Variants in EXOC4 observed in about 807,000 individuals in gnomAD.
EXOC4 encodes exocyst complex component 4, also known as SEC8-like 1.
EXOC4 carries 71 observed loss-of-function variants against 107.2 expected under a neutral mutation model. The observed-to-expected ratio is 0.66, with a 90% CI of 0.55 to 0.81. The LOEUF is 0.81. Ranked by LOEUF, EXOC4 falls within the 30% of genes least tolerant of loss-of-function variation. The probability of loss-of-function intolerance (pLI) is 0.00; values close to 1 mark genes in which losing one functional copy is unlikely to be tolerated. For synonymous variants in EXOC4, 456 were observed against 441.2 expected (o/e 1.03, Z -0.42); for missense variants, 1,108 against 1,189.6 (o/e 0.93, Z 1.01).
At position 133,584,655 on chromosome 7, in the gene EXOC4, C is replaced by T. The variant is rs180994044; in HGVS notation, c.1418-45390C>T. 2.9e-5 allele frequency among the ~76,000 whole-genome samples: 4 copies of T among 135,732 alleles called. No homozygotes were observed. In the East Asian group the frequency reaches 7.3e-4, roughly 25 times the overall value. 89.0% of individuals were successfully genotyped at this position (135,732 alleles called of 152,430 possible). The stretch of plus-strand genomic sequence containing the variant: ...GTGCAGTGGTGTGATCTTAGCTTAC[C>T]GAAGCCTCTGCCTCCCGGGTTCAAG... On this transcript the variant is annotated intron_variant, in intron 9 of 17. Coordinates refer to ENST00000253861, the MANE Select transcript of EXOC4 (RefSeq NM_021807.4).
chr7:133,609,508 T>C (rs1406644173), intron 9 of EXOC4, among the ~76,000 whole-genome samples: 1 of 152,234 alleles, frequency 6.6e-6, no homozygotes, highest in African/African-American at 2.4e-5. Flanking sequence ...AGGGAATACG[T>C]AGAAGTCAGC....
At chr7:133,858,745 TC>T (rs1798471855) in intron 11 of EXOC4, among the ~76,000 whole-genome samples, 1 of 152,150 alleles carries the variant, frequency 6.6e-6, no homozygotes, top group African/African-American at 2.4e-5. Context: ...ATCAGAGTCT[TC>T]CTGTACTTTT....
At chr7:134,063,958 CCTT>C (rs909817344) in intron 17 of EXOC4, among the ~76,000 whole-genome samples, 1 of 152,170 alleles carries the variant, frequency 6.6e-6, no homozygotes. Flanking sequence ...TGCCTTCTCT[CCTT>C]CTTCAGGCTA....
intron 9 of EXOC4, among the ~76,000 whole-genome samples, chr7:133,607,352 C>T (rs1355677787): frequency 3.3e-5 from 5 of 152,094 alleles, no homozygotes; most frequent in Admixed American, 2.0e-4. Flanking sequence ...TGCAGTTTTC[C>T]GAGGCAGATG....
At chr7:133,485,847 T>A (rs116664936) in intron 9 of EXOC4, among the ~76,000 whole-genome samples, 238 of 152,306 alleles carry the variant, frequency 1.6e-3, no homozygotes, top group African/African-American at 5.5e-3. Context: ...GGGAGTCCTG[T>A]GATTTGTCTT....
At chr7:133,697,686 G>A (rs1794566602) in intron 10 of EXOC4, among the ~76,000 whole-genome samples, 1 of 152,194 alleles carries the variant, frequency 6.6e-6, no homozygotes, top group African/African-American at 2.4e-5. Context: ...TTCCAACAAG[G>A]ACAAGTGGGG....
At chr7:133,558,216 CTTTTCTTTTCTTTTCTTT>C (rs1584997205) in intron 9 of EXOC4, among the ~76,000 whole-genome samples, 2 of 137,416 alleles carry the variant, frequency 1.5e-5, no homozygotes, top group East Asian at 4.0e-4. Context: ...CTTTTCTTTT[CTTTTCTTTTCTTTTCTTT>C]TCTTTTCTTT....
intron 6 of EXOC4, among the ~76,000 whole-genome samples, chr7:133,363,922 T>TA (rs1796189153): frequency 6.6e-6 from 1 of 152,158 alleles, no homozygotes; most frequent in South Asian, 2.1e-4. Flanking sequence ...AAGAAATTCT[T>TA]ACGTTGATGA....
chr7:133,842,837 C>G (rs1798049549), intron 11 of EXOC4, among the ~76,000 whole-genome samples: 1 of 152,096 alleles, frequency 6.6e-6, no homozygotes, highest in South Asian at 2.1e-4. Context: ...CGAAGGGGTC[C>G]AGTTTCAATC....
At chr7:133,695,202 A>G (rs971370503) in intron 10 of EXOC4, among the ~76,000 whole-genome samples, 1 of 151,410 alleles carries the variant, frequency 6.6e-6, no homozygotes, top group South Asian at 2.1e-4. Context: ...TTACCTTACC[A>G]CATATGTGTG....
intron 9 of EXOC4, among the ~76,000 whole-genome samples, chr7:133,596,769 A>G (rs1801684635): frequency 6.6e-6 from 1 of 152,120 alleles, no homozygotes; most frequent in South Asian, 2.1e-4. Context: ...AAATCCACTC[A>G]AGACGTTCAG....
intron 5 of EXOC4, among the ~76,000 whole-genome samples, chr7:133,349,747 G>T (rs746179796): frequency 7.9e-5 from 12 of 151,972 alleles, no homozygotes; most frequent in Non-Finnish European, 1.6e-4. Flanking sequence ...CCGCAATATG[G>T]GTTTTCATAG....
At chr7:134,040,690 C>T (rs1795494235) in intron 17 of EXOC4, among the ~76,000 whole-genome samples, 1 of 152,144 alleles carries the variant, frequency 6.6e-6, no homozygotes, top group South Asian at 2.1e-4. Context: ...GTAATCAGTG[C>T]ACAAATTTTT....
At chr7:133,747,790 CT>C (rs1200489087) in intron 10 of EXOC4, among the ~76,000 whole-genome samples, 1 of 152,264 alleles carries the variant, frequency 6.6e-6, no homozygotes, top group East Asian at 1.9e-4. Context: ...CTCCCCGCTC[CT>C]TCATCCCCAC....
At chr7:133,556,001 G>T (rs551326268) in intron 9 of EXOC4, among the ~76,000 whole-genome samples, 1 of 152,252 alleles carries the variant, frequency 6.6e-6, no homozygotes, top group African/African-American at 2.4e-5. Flanking sequence ...CTTGTCACCA[G>T]CTATGTTCTT....
intron 8 of EXOC4, 89 bp downstream of exon 8, chr7:133,475,562 C>T: frequency 8.2e-7 from 1 of 1,220,690 alleles, no homozygotes; most frequent in South Asian, 1.4e-5. Flanking sequence ...ATAACTTTGT[C>T]TAGCTTAAGT....
intron 10 of EXOC4, among the ~76,000 whole-genome samples, chr7:133,790,459 C>T (rs761326437): frequency 1.5e-4 from 23 of 152,204 alleles, no homozygotes; most frequent in Non-Finnish European, 3.4e-4. Context: ...ATGACCATAA[C>T]ACCTCAAGTT....
intron 14 of EXOC4, among the ~76,000 whole-genome samples, chr7:133,965,949 A>G (rs986330242): frequency 1.3e-5 from 2 of 152,204 alleles, no homozygotes; most frequent in African/African-American, 2.4e-5. Context: ...GATTCTTCCT[A>G]TCCATAAGCA....
chr7:133,606,329 G>A (rs56193593), intron 9 of EXOC4, among the ~76,000 whole-genome samples: 3,551 of 151,678 alleles, frequency 0.023, 141 homozygotes, highest in African/African-American at 0.082. Flanking sequence ...ATATTGCTCT[G>A]TACATCTCTG....
Sources: allele counts gnomAD v4.1 joint callset (sites outside exome capture counted in the v4.1 genomes callset), GRCh38; gene constraint gnomAD v4.1.1; transcripts MANE v1.5; gene names NCBI Gene and HGNC (gene_info 2026-07-23, HGNC 2026-07-21).